DAB2IP: variants seen among roughly 807,000 people sequenced by gnomAD.
The protein encoded by DAB2IP is DAB2 interacting protein, also known as disabled homolog 2-interacting protein.
A neutral mutation model predicts 107.2 loss-of-function variants in DAB2IP; 28 were observed. The ratio of observed to expected loss-of-function variants is 0.26; its 90% CI spans 0.19 to 0.36. The LOEUF (loss-of-function observed/expected upper bound fraction) is 0.36. Ranked by LOEUF, DAB2IP falls within the 10% of genes least tolerant of loss-of-function variation. DAB2IP has a pLI of 1.00. For synonymous variants in DAB2IP, 755 were observed against 706.4 expected (o/e 1.07, Z -1.09); for missense variants, 1,400 against 1,644.7 (o/e 0.85, Z 2.57).
intron 3 of DAB2IP, among the ~76,000 whole-genome samples, chr9:121,713,553 T>C (rs1052122187): frequency 2.0e-5 from 3 of 152,104 alleles, no homozygotes; most frequent in African/African-American, 7.2e-5. Context: ...CCCCAGAAAC[T>C]GGGTATGCAC....
chr9:121,730,077 C>T (rs1289511702), intron 3 of DAB2IP, among the ~76,000 whole-genome samples: 2 of 152,156 alleles, frequency 1.3e-5, no homozygotes, highest in Non-Finnish European at 2.9e-5. Flanking sequence ...CCATCCTCAT[C>T]TCCACGCTTT....
Position 121,767,094 on chromosome 9 carries a change from C to A in DAB2IP, c.1697+364C>A, listed in dbSNP as rs537200033. Among the ~76,000 whole-genome samples the A allele has an allele frequency of 3.3e-4, 50 of 152,314 alleles. No individual in the cohort carries two copies. The South Asian group carries it at 9.9e-3, about 30-fold the overall frequency. On this transcript the variant is annotated intron_variant, in intron 9 of 15. Coordinates refer to ENST00000408936, the Ensembl canonical transcript of DAB2IP. ...TAATATTCCTCCAAGGGGGACTGGC[C>A]CATATTTCCTTAATCCATTCCCTGT... is the stretch of plus-strand genomic sequence containing the variant.
upstream of DAB2IP, among the ~76,000 whole-genome samples, chr9:121,649,321 G>T (rs538160896): frequency 1.5e-3 from 172 of 117,252 alleles, 8 homozygotes; most frequent in African/African-American, 4.3e-3. Flanking sequence ...AAGCTGAAGT[G>T]GGGAGACCAT....
Position 121,767,189 on chromosome 9 carries a change from C to T in DAB2IP, c.1697+459C>T, listed in dbSNP as rs558849633. ...TCAGGATGTCTTTGCTGATAAAGCA[C>T]TATTGGTGTTTTTGGCTGCATCCTT... On this transcript the variant is annotated intron_variant, in intron 9 of 15. Transcript: ENST00000408936. 6.0e-4 allele frequency among the ~76,000 whole-genome samples: 92 copies of T among 152,322 alleles called. 1 individual carries two copies. Among genetic ancestry groups the T allele is most frequent in the African/African-American group, 2.2e-3 (91 of 41,574 alleles).
Position 121,782,680 on chromosome 9 carries a change from C to T in DAB2IP, c.*182C>T, listed in dbSNP as rs1238720271. On this transcript the variant is annotated 3_prime_UTR_variant, in exon 16 of 16. Coordinates refer to ENST00000408936, the Ensembl canonical transcript of DAB2IP. This position sits in a 1 kb window ranked among gnomAD's most constrained non-coding sequence, Gnocchi z 6.1. ...AGGGAGCCACCAGAGACTGAAGCAG[C>T]GTGAGGCGAGGTCACCAGCCGCTCC... 1.1e-5 allele frequency: 16 copies of T among 1,429,340 alleles called. No individual in the cohort carries two copies. Among genetic ancestry groups the T allele is most frequent in the Middle Eastern group, 2.5e-4 (1 of 3,968 alleles). The allele number at this position is 1,429,340 out of a possible 1,614,324, so 88.5% of individuals were successfully genotyped here.
At chr9:121,767,160 G>C (rs887243235) in intron 9 of DAB2IP, among the ~76,000 whole-genome samples, 1 of 152,222 alleles carries the variant, frequency 6.6e-6, no homozygotes, top group Non-Finnish European at 1.5e-5. Context: ...CTGGTGTCAG[G>C]CTATCAGGAT....
At chr9:121,569,106 CT>C (rs1231850101) in intron 1 of DAB2IP, among the ~76,000 whole-genome samples, 1 of 152,192 alleles carries the variant, frequency 6.6e-6, no homozygotes, top group African/African-American at 2.4e-5. Context: ...AGGGGTCTGG[CT>C]TTTCCAGCCA....
exon 4 of DAB2IP, chr9:121,757,114 T>A: frequency 6.2e-7 from 1 of 1,614,054 alleles, no homozygotes; most frequent in Non-Finnish European, 8.5e-7. Context: ...GAGGAAGAGG[T>A]GGTCATCAAG....
In DAB2IP at chr9:121,760,740, G is replaced by A. The variant is rs1469941586; in HGVS notation, c.1170+301G>A. Among the ~76,000 whole-genome samples, 1 of 152,112 alleles carries A rather than the reference G, an allele frequency of 6.6e-6. No homozygotes were observed. Among genetic ancestry groups the A allele is most frequent in the Non-Finnish European group, 1.5e-5 (1 of 68,034 alleles). ...TGCTGCAGAGGACCGACCCCCTGAG[G>A]CGCCAGGGGAACAGGCTGGGTGGCC... On this transcript the variant is annotated intron_variant, in intron 6 of 15. Coordinates refer to ENST00000408936, the Ensembl canonical transcript of DAB2IP. This position sits in a 1 kb window ranked among gnomAD's most constrained non-coding sequence, Gnocchi z 5.9.
intron 1 of DAB2IP, 23 bp from the exon 2 acceptor site, chr9:121,678,653 CCT>C (rs1330458544): frequency 1.3e-6 from 2 of 1,485,980 alleles, no homozygotes; most frequent in East Asian, 2.7e-5. Context: ...TCTTGTTCAA[CCT>C]CTCTCTCCTC....
At chr9:121,616,751 A>T (rs1175173412) in intron 1 of DAB2IP, among the ~76,000 whole-genome samples, 1 of 152,064 alleles carries the variant, frequency 6.6e-6, no homozygotes, top group Non-Finnish European at 1.5e-5. Flanking sequence ...CCCTGGCCCG[A>T]CCCTGGCCCT....
intron 3 of DAB2IP, among the ~76,000 whole-genome samples, chr9:121,744,964 TG>T (rs1228020821): frequency 3.9e-5 from 6 of 152,166 alleles, no homozygotes; most frequent in Non-Finnish European, 8.8e-5. Context: ...AGGGCTGGCA[TG>T]GCTGGGTTGG....
chr9:121,781,661 A>G lies in DAB2IP; in HGVS notation c.3402+110A>G, dbSNP rs1322829560. 6.4e-6 allele frequency: 7 copies of G among 1,096,306 alleles called. 1 individual carries two copies. The highest frequency in any genetic ancestry group is 6.3e-5 in the African/African-American group (4 of 63,588). 67.9% of individuals were successfully genotyped at this position (1,096,306 alleles called of 1,614,324 possible). A position where few individuals can be genotyped will look rare whatever the true frequency, so the allele number is the denominator to read the frequency against. ...TACCTCACTGCAGACACTGAGGGGA[A>G]TAAGAAACCAGAATCTGCCCTGAGA... On this transcript the variant is annotated intron_variant, in intron 15 of 15. Transcript: ENST00000408936.
At position 121,736,364 on chromosome 9, in the gene DAB2IP, G is replaced by C. The variant is rs1421756449; in HGVS notation, c.363-20649G>C. On this transcript the variant is annotated intron_variant, in intron 3 of 15. Coordinates refer to ENST00000408936, the Ensembl canonical transcript of DAB2IP. This position sits in a 1 kb window ranked among gnomAD's most constrained non-coding sequence, Gnocchi z 4.6. ...GGACCCAGACTCGCACGAAGGTGGG[G>C]AAGGAGTTGCAAGGCAGAGACCCCC... Among the ~76,000 whole-genome samples the C allele has an allele frequency of 1.3e-5, 2 of 152,166 alleles. No homozygotes were observed. Among genetic ancestry groups the C allele is most frequent in the Non-Finnish European group, 2.9e-5 (2 of 68,034 alleles).
chr9:121,781,440 G>A (rs1402962979), intron 14 of DAB2IP, 24 bp from the exon 15 acceptor site: 1 of 1,612,936 alleles, frequency 6.2e-7, no homozygotes, highest in Non-Finnish European at 8.5e-7. Context: ...GGGCCAGTCT[G>A]ACTGTCTCTG....
At position 121,779,584 on chromosome 9, in the gene DAB2IP, C is replaced by T. The variant is rs7030275; in HGVS notation, c.3315-1880C>T. ...TTTCCTTTTAAGTTTTGTTAGGCTG[C>T]GTCCTGCAGAGCCTTTAGTCTTGGC... On this transcript the variant is annotated intron_variant, in intron 14 of 15. Coordinates refer to ENST00000408936, the Ensembl canonical transcript of DAB2IP. Among the ~76,000 whole-genome samples the T allele has an allele frequency of 1.0e-2, 1,516 of 152,304 alleles. 34 individuals are homozygous for T. Among genetic ancestry groups the T allele is most frequent in the African/African-American group, 0.035 (1,465 of 41,552 alleles).
chr9:121,759,994 A>G (rs1833776149), exon 6 of DAB2IP: 3 of 1,614,114 alleles, frequency 1.9e-6, no homozygotes, highest in East Asian at 2.2e-5. Flanking sequence ...GATGTGCTCT[A>G]TGCCCGCACC....
Position 121,776,892 on chromosome 9 carries a change from G to A in DAB2IP, c.3314+501G>A, listed in dbSNP as rs1228987921. On this transcript the variant is annotated intron_variant, in intron 14 of 15. Transcript: ENST00000408936. This position sits in a 1 kb window ranked among gnomAD's most constrained non-coding sequence, Gnocchi z 5.4. ...ACTGAGCTGGGAACTGTTAAGAGGA[G>A]TGGTTTGAGTGGGGAGGGAGAGGGG... is the stretch of plus-strand genomic sequence containing the variant. Among the ~76,000 whole-genome samples the A allele has an allele frequency of 6.6e-6, 1 of 152,170 alleles. No homozygotes were observed. Among genetic ancestry groups the A allele is most frequent in the East Asian group, 1.9e-4 (1 of 5,196 alleles).
chr9:121,646,593 G>A (rs879875525), intron 1 of DAB2IP, among the ~76,000 whole-genome samples: 4 of 150,348 alleles, frequency 2.7e-5, no homozygotes, highest in African/African-American at 4.9e-5. Flanking sequence ...GTGCAGGCCT[G>A]CCTGGCTGGG....
Sources: gnomAD v4.1 joint callset for allele counts (sites outside exome capture counted in the v4.1 genomes callset) on GRCh38, gnomAD v4.1.1 for gene constraint, Gnocchi (gnomAD v3.1) non-coding constraint, MANE v1.5 for transcripts, NCBI Gene and HGNC (gene_info 2026-07-23, HGNC 2026-07-21) for gene names.